Variants in NFYC observed in about 807,000 individuals in gnomAD.
The protein encoded by NFYC is nuclear transcription factor Y subunit gamma, also known as CAAT box DNA-binding protein subunit C.
A neutral mutation model predicts 53.1 loss-of-function variants in NFYC; 25 were observed. The ratio of observed to expected loss-of-function variants is 0.47; its 90% confidence interval spans 0.34 to 0.66. The LOEUF (loss-of-function observed/expected upper bound fraction) is 0.66, where lower values mean the gene tolerates loss of function less well. NFYC is among the 30% of genes least tolerant of loss of function. NFYC has a pLI of 0.01. For missense variants in NFYC, 260 were observed against 422.7 expected, an observed-to-expected ratio of 0.62 and a Z score of 3.38; for synonymous variants, 145 against 152.6, an observed-to-expected ratio of 0.95 and a Z score of 0.37.
chr1:40,696,260 T>C (rs1010866291), intron 1 of NFYC, among the ~76,000 whole-genome samples: 1 of 152,036 alleles, frequency 6.6e-6, no homozygotes, highest in East Asian at 1.9e-4. Flanking sequence ...CCTGACCTCG[T>C]GATCCGCCCT....
At chr1:40,698,815 A>T (rs1643285174) in intron 1 of NFYC, among the ~76,000 whole-genome samples, 1 of 152,202 alleles carries the variant, frequency 6.6e-6, no homozygotes, top group Non-Finnish European at 1.5e-5. Context: ...AAATACATTC[A>T]TGAGTATGAA....
intron 7 of NFYC, 167 bp downstream of exon 7, chr1:40,763,213 T>C: frequency 2.0e-6 from 1 of 493,120 alleles, no homozygotes; most frequent in Non-Finnish European, 3.6e-6. Context: ...TATACCTTGA[T>C]ATATATATGT....
chr1:40,768,331 C>T (rs933633277), intron 8 of NFYC, among the ~76,000 whole-genome samples: 4 of 152,230 alleles, frequency 2.6e-5, no homozygotes, highest in African/African-American at 9.6e-5. Flanking sequence ...TGTATGGGCT[C>T]CTGCCCTCAG....
chr1:40,737,723 C>G (rs982124052), intron 1 of NFYC, among the ~76,000 whole-genome samples: 2 of 152,080 alleles, frequency 1.3e-5, no homozygotes, highest in Non-Finnish European at 2.9e-5. Context: ...TAGGAAAGAA[C>G]TGGGCGAACT....
chr1:40,692,037 T>TCGC (rs1249350680), intron 1 of NFYC, 170 bp downstream of exon 1: 2 of 193,572 alleles, frequency 1.0e-5, no homozygotes, highest in African/African-American at 2.4e-5. Flanking sequence ...CCCGCTGCTG[T>TCGC]CGCCGCCGCC....
intron 1 of NFYC, among the ~76,000 whole-genome samples, chr1:40,718,751 C>T (rs1644227833): frequency 6.6e-6 from 1 of 152,214 alleles, no homozygotes; most frequent in Non-Finnish European, 1.5e-5. Flanking sequence ...TATGGTATTC[C>T]TTAGCTATGC....
chr1:40,731,166 G>A (rs1644752001), intron 1 of NFYC, among the ~76,000 whole-genome samples: 1 of 152,026 alleles, frequency 6.6e-6, no homozygotes, highest in Admixed American at 6.6e-5. Flanking sequence ...TGGAATAATT[G>A]GATAAATAAT....
intron 1 of NFYC, among the ~76,000 whole-genome samples, chr1:40,738,034 C>G (rs1008108291): frequency 1.9e-4 from 28 of 151,028 alleles, no homozygotes; most frequent in Admixed American, 1.6e-3. Context: ...TCCCAAGTAG[C>G]TGGGACTACA....
intron 6 of NFYC, among the ~76,000 whole-genome samples, chr1:40,762,611 G>A (rs1646605627): frequency 6.6e-6 from 1 of 152,210 alleles, no homozygotes; most frequent in Non-Finnish European, 1.5e-5. Flanking sequence ...GCTGTGAAAA[G>A]TTGCAGCATT....
intron 1 of NFYC, among the ~76,000 whole-genome samples, chr1:40,726,978 A>G (rs1012641541): frequency 1.3e-5 from 2 of 151,668 alleles, no homozygotes; most frequent in South Asian, 2.1e-4. Flanking sequence ...ATAAGAAGCA[A>G]CTCCTCATCT....
intron 1 of NFYC, among the ~76,000 whole-genome samples, chr1:40,714,744 A>G (rs1315110780): frequency 1.3e-5 from 2 of 152,098 alleles, no homozygotes; most frequent in African/African-American, 2.4e-5. Context: ...CCTCCGAGTA[A>G]TTGGGACTAC....
rs541753087 is a variant in NFYC, at chr1:40,771,107, A to G, written c.*279A>G. On this transcript the variant is annotated 3_prime_UTR_variant, in exon 10 of 10. Coordinates refer to ENST00000447388, the MANE Select transcript of NFYC (RefSeq NM_014223.5). ...CTATGAAATTAAAATATTAAATAACATATTTATGGCATTTTCTTGAAGAGT... is the reference window on the plus strand; with the variant it reads ...CTATGAAATTAAAATATTAAATAACGTATTTATGGCATTTTCTTGAAGAGT... The G allele has an allele frequency of 5.4e-5, 26 of 478,332 alleles. No homozygotes were observed. The East Asian group carries it at 6.0e-4, about 11-fold the overall frequency. 29.6% of individuals were successfully genotyped at this position (478,332 alleles called of 1,614,324 possible). A position where few individuals can be genotyped will look rare whatever the true frequency, so the allele number is the denominator to read the frequency against.
chr1:40,768,268 C>T (rs1369132424), intron 8 of NFYC, among the ~76,000 whole-genome samples: 1 of 152,202 alleles, frequency 6.6e-6, no homozygotes, highest in Non-Finnish European at 1.5e-5. Flanking sequence ...GAATATTTTC[C>T]ATTTGTCTCA....
At chr1:40,700,158 C>T (rs1459012955) in intron 1 of NFYC, among the ~76,000 whole-genome samples, 4 of 152,132 alleles carry the variant, frequency 2.6e-5, no homozygotes, top group Non-Finnish European at 5.9e-5. Flanking sequence ...TTCAAGGTAA[C>T]GTAGACTCTT....
chr1:40,745,750 C>T (rs1645576178), intron 2 of NFYC, among the ~76,000 whole-genome samples: 1 of 152,192 alleles, frequency 6.6e-6, no homozygotes, highest in Non-Finnish European at 1.5e-5. Flanking sequence ...AGCAATATGT[C>T]CTTCTTTGTG....
At chr1:40,754,237 G>A (rs1422644828) in intron 5 of NFYC, 1 of 530,302 alleles carries the variant, frequency 1.9e-6, no homozygotes, top group South Asian at 1.4e-5. Flanking sequence ...TCTAGGAGAA[G>A]TGGGCATCCT....
intron 2 of NFYC, among the ~76,000 whole-genome samples, chr1:40,739,186 G>C (rs1034671457): frequency 6.6e-6 from 1 of 152,152 alleles, no homozygotes; most frequent in Non-Finnish European, 1.5e-5. Flanking sequence ...TGGATACTTT[G>C]ACTTGGAGGT....
At chr1:40,698,895 T>A (rs1252113125) in intron 1 of NFYC, among the ~76,000 whole-genome samples, 1 of 152,130 alleles carries the variant, frequency 6.6e-6, no homozygotes, top group Non-Finnish European at 1.5e-5. Flanking sequence ...CCGGGCGCCG[T>A]GGCTCACACC....
intron 1 of NFYC, among the ~76,000 whole-genome samples, chr1:40,698,152 C>G (rs1643247640): frequency 6.6e-6 from 1 of 152,070 alleles, no homozygotes; most frequent in East Asian, 1.9e-4. Flanking sequence ...CACCTGAAGT[C>G]AAGAGTTTGT....
Sources: gnomAD v4.1 joint callset for allele counts (sites outside exome capture counted in the v4.1 genomes callset) on GRCh38, gnomAD v4.1.1 for gene constraint, MANE v1.5 for transcripts, NCBI Gene and HGNC (gene_info 2026-07-23, HGNC 2026-07-21) for gene names.